The following ASIC5 variants were observed in gnomAD, a reference collection of about 807,000 sequenced individuals.
ASIC5 encodes bile acid-sensitive ion channel.
A neutral mutation model predicts 51.2 loss-of-function variants in ASIC5; 52 were observed. That is an observed-to-expected ratio of 1.02 (90% CI 0.81 to 1.28). The LOEUF is 1.28. Ranked by LOEUF, ASIC5 falls within the 50% of genes most tolerant of loss-of-function variation. ASIC5 has a pLI of 0.00. For synonymous variants in ASIC5, 231 were observed against 200.7 expected, an observed-to-expected ratio of 1.15 and a Z score of -1.28; for missense variants, 635 against 595.0, an observed-to-expected ratio of 1.07 and a Z score of -0.70.
intron 6 of ASIC5, among the ~76,000 whole-genome samples, chr4:155,839,572 T>C (rs1741070518): frequency 6.6e-6 from 1 of 152,184 alleles, no homozygotes; most frequent in African/African-American, 2.4e-5. Context: ...TCTATTGCTA[T>C]AGCCCATGTG....
chr4:155,863,387 C>T, intron 2 of ASIC5, 61 bp downstream of exon 2: 4 of 1,315,706 alleles, frequency 3.0e-6, no homozygotes, highest in Non-Finnish European at 3.1e-6. Context: ...GTCAGTCATC[C>T]AAGAAAGATT....
At chr4:155,858,577 G>A (rs1394490415) in intron 2 of ASIC5, among the ~76,000 whole-genome samples, 1 of 152,042 alleles carries the variant, frequency 6.6e-6, no homozygotes, top group Non-Finnish European at 1.5e-5. Context: ...GGATGAACCT[G>A]GGGAAAAGAA....
At chr4:155,842,408 A>AT in intron 5 of ASIC5, 54 bp from the exon 6 acceptor site, 1 of 1,455,162 alleles carries the variant, frequency 6.9e-7, no homozygotes, top group Non-Finnish European at 9.3e-7. Context: ...CAATTCACTT[A>AT]TTTTCCATCA....
chr4:155,850,127 G>A lies in ASIC5; in HGVS notation c.711+2064C>T, dbSNP rs559293975. Among the ~76,000 whole-genome samples, 29 of 151,780 alleles carry A rather than the reference G, an allele frequency of 1.9e-4. 1 individual carries two copies. The South Asian group carries it at 5.6e-3, about 29-fold the overall frequency. ...CCTAAAGATTTTTTTTTTAAAGGGA[G>A]CAGGGGAATGGGAAAGGAAATTATC... On this transcript the variant is annotated intron_variant, in intron 4 of 9. Coordinates refer to ENST00000537611, the MANE Select transcript of ASIC5 (RefSeq NM_017419.3).
chr4:155,862,676 G>C (rs1307401473), intron 2 of ASIC5, among the ~76,000 whole-genome samples: 1 of 152,128 alleles, frequency 6.6e-6, no homozygotes, highest in Non-Finnish European at 1.5e-5. Context: ...TGGCAGTAGA[G>C]CATTGAATCA....
At chr4:155,850,108 G>A in intron 4 of ASIC5, among the ~76,000 whole-genome samples, 1 of 149,834 alleles carries the variant, frequency 6.7e-6, no homozygotes, top group African/African-American at 2.4e-5. Context: ...TTCTCCTAAA[G>A]ATTTTTTTTT....
intron 5 of ASIC5, 97 bp from the exon 6 acceptor site, chr4:155,842,451 G>T: frequency 8.1e-7 from 1 of 1,237,762 alleles, no homozygotes; most frequent in Non-Finnish European, 1.1e-6. Context: ...TTTCCTCTCA[G>T]AGCTCTTTGA....
intron 4 of ASIC5, among the ~76,000 whole-genome samples, chr4:155,849,692 A>G (rs1741334617): frequency 6.6e-6 from 1 of 152,076 alleles, no homozygotes. Flanking sequence ...ACAAGCCTTC[A>G]AAATAATGTT....
At chr4:155,831,687 T>G (rs1481186564) in intron 9 of ASIC5, 137 bp downstream of exon 9, 2 of 509,038 alleles carry the variant, frequency 3.9e-6, no homozygotes, top group African/African-American at 2.0e-5. Context: ...AGGAGAATGG[T>G]GTGAACCCCC....
At chr4:155,848,587 T>G (rs1247988905) in intron 4 of ASIC5, among the ~76,000 whole-genome samples, 1 of 152,090 alleles carries the variant, frequency 6.6e-6, no homozygotes, top group African/African-American at 2.4e-5. Context: ...TTGTCAATTG[T>G]GTCTTTGACT....
At position 155,865,068 on chromosome 4, in the gene ASIC5, G is replaced by A. The variant is rs569680664; in HGVS notation, c.40+1119C>T. On this transcript the variant is annotated intron_variant, in intron 1 of 9. Coordinates refer to ENST00000537611, the MANE Select transcript of ASIC5 (RefSeq NM_017419.3). Reference sequence around the variant, plus strand: ...ATCAATTAGCTAAGCTTTTTATTCAGTTATAGGACATATGCTATAAAAAGG... The same window carrying A: ...ATCAATTAGCTAAGCTTTTTATTCAATTATAGGACATATGCTATAAAAAGG... The A allele has an allele frequency of 1.6e-3, 243 of 151,980 alleles. 1 individual carries two copies. The highest frequency in any genetic ancestry group is 4.6e-3 in the African/African-American group (189 of 41,508). The allele number at this position is 151,980 out of a possible 1,614,324, so 9.4% of individuals were successfully genotyped here.
At chr4:155,846,063 G>T (rs1170983278) in intron 4 of ASIC5, among the ~76,000 whole-genome samples, 2 of 151,744 alleles carry the variant, frequency 1.3e-5, no homozygotes, top group Admixed American at 6.6e-5. Context: ...TAATTAATTG[G>T]CTTAAAGAAA....
rs1013813765 is a variant in ASIC5 at position 155,839,810 on chromosome 4, T to C, written c.1010-941A>G. On this transcript the variant is annotated intron_variant, in intron 6 of 9. Coordinates refer to ENST00000537611, the MANE Select transcript of ASIC5 (RefSeq NM_017419.3). ...TGCTCTGGCAATAATATTTCTTCCA[T>C]TATAAAGAGCAATTCAGAAAAAAAA... Among the ~76,000 whole-genome samples, 3 of 151,246 alleles carry C rather than the reference T, an allele frequency of 2.0e-5. No individual in the cohort carries two copies. In the East Asian group the frequency reaches 5.8e-4, roughly 29 times the overall value.
intron 8 of ASIC5, among the ~76,000 whole-genome samples, chr4:155,834,092 T>G (rs1277297297): frequency 6.6e-6 from 1 of 152,202 alleles, no homozygotes. Flanking sequence ...AACAGAACAA[T>G]TTTTAAAATT....
chr4:155,863,820 TA>T (rs1254995023), intron 1 of ASIC5, 66 bp from the exon 2 acceptor site: 3 of 1,250,902 alleles, frequency 2.4e-6, no homozygotes, highest in Non-Finnish European at 1.1e-6. Context: ...ATGCTATCCG[TA>T]AAAAAACACA....
chr4:155,852,353 T>C, intron 3 of ASIC5, 37 bp from the exon 4 acceptor site: 1 of 1,565,306 alleles, frequency 6.4e-7, no homozygotes. Flanking sequence ...AACCATCAAT[T>C]TGATATTTTT....
At chr4:155,858,805 T>C (rs1178539743) in intron 2 of ASIC5, 1 of 152,118 alleles carries the variant, frequency 6.6e-6, no homozygotes, top group Admixed American at 6.6e-5. Context: ...AATAGTCAAC[T>C]ATGTGTTTGT....
At chr4:155,863,792 A>G (rs761523357) in intron 1 of ASIC5, 38 bp from the exon 2 acceptor site, 1 of 1,524,156 alleles carries the variant, frequency 6.6e-7, no homozygotes, top group Non-Finnish European at 8.9e-7. Flanking sequence ...AACAAAAAAA[A>G]GTAATTAGGA....
chr4:155,832,866 G>A (rs1210862316), intron 8 of ASIC5, among the ~76,000 whole-genome samples: 1 of 151,962 alleles, frequency 6.6e-6, no homozygotes, highest in Non-Finnish European at 1.5e-5. Flanking sequence ...TTGCTAACTG[G>A]TCTTTCTGTT....
Sources: gnomAD v4.1 joint callset for allele counts (sites outside exome capture counted in the v4.1 genomes callset) on GRCh38, gnomAD v4.1.1 for gene constraint, MANE v1.5 for transcripts, NCBI Gene and HGNC (gene_info 2026-07-23, HGNC 2026-07-21) for gene names.